OTUD7A: variants seen among roughly 807,000 people sequenced by gnomAD.
OTUD7A encodes OTU deubiquitinase 7A.
In OTUD7A, 12 loss-of-function variants were observed where a neutral mutation model predicts 65.7. The observed-to-expected ratio is 0.18, with a 90% confidence interval of 0.12 to 0.30. The LOEUF (loss-of-function observed/expected upper bound fraction) is 0.30. Among genes scored for constraint, OTUD7A ranks in the 10% least tolerant of loss-of-function variants. The probability of loss-of-function intolerance (pLI) is 1.00; values close to 1 mark genes in which losing one functional copy is unlikely to be tolerated. For missense variants in OTUD7A, 1,148 were observed against 1,304.8 expected (o/e 0.88, Z 1.85); for synonymous variants, 641 against 586.3 (o/e 1.09, Z -1.35).
At chr15:31,531,956 A>C (rs767312219) in intron 5 of OTUD7A, among the ~76,000 whole-genome samples, 4 of 152,162 alleles carry the variant, frequency 2.6e-5, no homozygotes, top group Non-Finnish European at 4.4e-5. Context: ...CCCATTCCCC[A>C]GGTATCAACA....
chr15:31,539,240 C>T (rs28696969), intron 5 of OTUD7A, among the ~76,000 whole-genome samples: 1 of 151,926 alleles, frequency 6.6e-6, no homozygotes, highest in Non-Finnish European at 1.5e-5. Flanking sequence ...TCTCTCTCCC[C>T]AACCTGGCTC....
intron 1 of OTUD7A, among the ~76,000 whole-genome samples, chr15:31,857,175 G>GA (rs1340528770): frequency 2.6e-5 from 4 of 152,138 alleles, no homozygotes; most frequent in African/African-American, 9.7e-5. Context: ...CAGCCCTGAA[G>GA]AAAAAATGAA....
intron 1 of OTUD7A, among the ~76,000 whole-genome samples, chr15:31,733,159 C>A (rs1176576160): frequency 1.3e-5 from 2 of 152,212 alleles, no homozygotes; most frequent in East Asian, 3.8e-4. Flanking sequence ...CACTCCATTT[C>A]CTTACATCTT....
intron 6 of OTUD7A, among the ~76,000 whole-genome samples, chr15:31,527,956 T>C (rs952114673): frequency 2.4e-4 from 37 of 152,144 alleles, no homozygotes; most frequent in Non-Finnish European, 4.7e-4. Flanking sequence ...CCCCAACTCA[T>C]GGGAGAAGTG....
chr15:31,601,734 A>G (rs1421206456), intron 3 of OTUD7A, among the ~76,000 whole-genome samples: 1 of 152,204 alleles, frequency 6.6e-6, no homozygotes, highest in African/African-American at 2.4e-5. Context: ...AAGAAAAGAG[A>G]GAAGACTCAA....
intron 3 of OTUD7A, among the ~76,000 whole-genome samples, chr15:31,606,349 A>C (rs1055129822): frequency 1.3e-5 from 2 of 152,242 alleles, no homozygotes; most frequent in African/African-American, 4.8e-5. Context: ...TTATGAACAC[A>C]CACGTGACCG....
chr15:31,507,023 G>A (rs1458083627), intron 8 of OTUD7A, among the ~76,000 whole-genome samples: 1 of 152,160 alleles, frequency 6.6e-6, no homozygotes, highest in Non-Finnish European at 1.5e-5. Context: ...ATTTTAGCTA[G>A]GCATTTGTAT....
intron 1 of OTUD7A, among the ~76,000 whole-genome samples, chr15:31,672,187 C>T (rs1892499875): frequency 6.6e-6 from 1 of 152,114 alleles, no homozygotes; most frequent in Non-Finnish European, 1.5e-5. Flanking sequence ...TAAGTAGCAC[C>T]AGGGCCATTC....
At chr15:31,773,066 CTA>C (rs1422432888) in intron 1 of OTUD7A, among the ~76,000 whole-genome samples, 6 of 152,072 alleles carry the variant, frequency 3.9e-5, no homozygotes, top group Non-Finnish European at 8.8e-5. Context: ...ATAAACCTAT[CTA>C]TGTATCTGTA....
intron 1 of OTUD7A, among the ~76,000 whole-genome samples, chr15:31,738,011 G>A (rs1894239795): frequency 6.6e-6 from 1 of 152,156 alleles, no homozygotes; most frequent in Admixed American, 6.6e-5. Flanking sequence ...TAAATTGGGT[G>A]GTATTATTAA....
intron 3 of OTUD7A, among the ~76,000 whole-genome samples, chr15:31,579,161 C>A (rs1438784432): frequency 6.6e-6 from 1 of 152,050 alleles, no homozygotes; most frequent in East Asian, 1.9e-4. Context: ...AAGGTCAGGT[C>A]CTGGAAAAAT....
intron 1 of OTUD7A, among the ~76,000 whole-genome samples, chr15:31,823,240 C>A (rs1296949744): frequency 2.6e-5 from 4 of 152,216 alleles, no homozygotes; most frequent in African/African-American, 9.7e-5. Flanking sequence ...GAGAAATTCA[C>A]CAGGCAGGTA....
intron 1 of OTUD7A, among the ~76,000 whole-genome samples, chr15:31,755,487 C>G (rs1424335114): frequency 6.6e-6 from 1 of 151,986 alleles, no homozygotes; most frequent in Non-Finnish European, 1.5e-5. Flanking sequence ...TTTGGGAGGC[C>G]GAGGTGGGTG....
chr15:31,630,023 T>C (rs1891092436), intron 3 of OTUD7A, among the ~76,000 whole-genome samples: 1 of 150,998 alleles, frequency 6.6e-6, no homozygotes, highest in South Asian at 2.1e-4. Flanking sequence ...TCAATTTTGT[T>C]GATCCTTTCA....
chr15:31,484,422 G>A lies in OTUD7A; in HGVS notation c.1674C>T (p.Gly558=). 6.2e-7 allele frequency: 1 copy of A among 1,602,710 alleles called. No individual in the cohort carries two copies. The highest frequency in any genetic ancestry group is 8.5e-7 in the Non-Finnish European group (1 of 1,179,878). ...CCCGCTCGGCCGAGTCCCCGTTCTT[G>A]CCATTGGCGGAGTTGGCGCGGCCCA... is the stretch of plus-strand genomic sequence containing the variant. ...GKMGRANSAN[G]KNGDSAERGK... is the part of the protein sequence containing the mutation. The change falls in exon 13 of 13, where the codon GGC becomes GGT. Residue 558 remains glycine, a synonymous_variant. Coordinates refer to ENST00000307050, the MANE Select transcript of OTUD7A (RefSeq NM_001382637.1). This position sits in a 1 kb window ranked among gnomAD's most constrained non-coding sequence, Gnocchi z 4.5.
rs144231779 is a variant in OTUD7A, at chr15:31,576,533, G to A, written c.152-6336C>T. On this transcript the variant is annotated intron_variant, in intron 3 of 12. Coordinates refer to ENST00000307050, the MANE Select transcript of OTUD7A (RefSeq NM_001382637.1). The stretch of plus-strand genomic sequence containing the variant: ...CAGGTCAAGTTGTCCCACCTTCCCA[G>A]ACAAAACAAATGTACGTCTTACACA... Among the ~76,000 whole-genome samples, 60 of 152,192 alleles carry A rather than the reference G, an allele frequency of 3.9e-4. No homozygotes were observed. In the East Asian group the frequency reaches 0.012, roughly 29 times the overall value.
chr15:31,696,767 G>A (rs967639633), intron 1 of OTUD7A, among the ~76,000 whole-genome samples: 1 of 152,038 alleles, frequency 6.6e-6, no homozygotes, highest in Non-Finnish European at 1.5e-5. Flanking sequence ...GATGGGGGTG[G>A]GTGCCCACTT....
At chr15:31,716,972 T>C (rs1595723883) in intron 1 of OTUD7A, among the ~76,000 whole-genome samples, 1 of 152,346 alleles carries the variant, frequency 6.6e-6, no homozygotes, top group East Asian at 1.9e-4. Context: ...ATTTCAGATA[T>C]ATAGAAAACT....
At chr15:31,844,445 C>T (rs549352113) in intron 1 of OTUD7A, among the ~76,000 whole-genome samples, 4 of 152,182 alleles carry the variant, frequency 2.6e-5, no homozygotes, top group Non-Finnish European at 5.9e-5. Context: ...TGCAGTAAGC[C>T]GAGATTGCAC....
Sources: allele counts gnomAD v4.1 joint callset (sites outside exome capture counted in the v4.1 genomes callset), GRCh38; gene constraint gnomAD v4.1.1; non-coding constraint Gnocchi (gnomAD v3.1); transcripts MANE v1.5; gene names NCBI Gene and HGNC (gene_info 2026-07-23, HGNC 2026-07-21).